AGAP1: variants seen among roughly 807,000 people sequenced by gnomAD.
AGAP1 encodes ArfGAP with GTPase domain, ankyrin repeat and PH domain 1, also known as arf-GAP with GTPase, ANK repeat and PH domain-containing protein 1.
AGAP1 carries 29 observed loss-of-function variants against 105.3 expected under a neutral mutation model. That is an observed-to-expected ratio of 0.28 (90% CI 0.21 to 0.38). The LOEUF is 0.38. Among genes scored for constraint, AGAP1 ranks in the 10% least tolerant of loss-of-function variants. The probability of loss-of-function intolerance (pLI) is 1.00; values close to 1 mark genes in which losing one functional copy is unlikely to be tolerated. For missense variants in AGAP1, 998 were observed against 1,165.1 expected (o/e 0.86, Z 2.09); for synonymous variants, 509 against 485.9 (o/e 1.05, Z -0.63).
chr2:236,044,778 C>A lies in AGAP1; in HGVS notation c.1891+3937C>A, dbSNP rs549304774. Among the ~76,000 whole-genome samples the A allele has an allele frequency of 2.6e-5, 4 of 152,214 alleles. No homozygotes were observed. The highest frequency in any genetic ancestry group is 5.9e-5 in the Non-Finnish European group (4 of 68,006). ...CTCCAGGTTTGAAATCACACACACA[C>A]ACACACACACATCCCTACTCCCTGC... On this transcript the variant is annotated intron_variant, in intron 15 of 17. Transcript: ENST00000304032. This position sits in a 1 kb window ranked among gnomAD's most constrained non-coding sequence, Gnocchi z 5.7.
chr2:235,949,623 G>T (rs566607404), intron 12 of AGAP1, among the ~76,000 whole-genome samples: 1 of 152,290 alleles, frequency 6.6e-6, no homozygotes, highest in African/African-American at 2.4e-5. Flanking sequence ...GTGCTCTTTT[G>T]TGCCTCTTTT....
chr2:235,782,639 G>T (rs954608479), intron 6 of AGAP1, among the ~76,000 whole-genome samples: 1 of 152,110 alleles, frequency 6.6e-6, no homozygotes, highest in African/African-American at 2.4e-5. Context: ...AAGCTTATGT[G>T]TAAACATTTA....
intron 1 of AGAP1, among the ~76,000 whole-genome samples, chr2:235,542,909 A>AGG (rs1191214923): frequency 2.0e-5 from 3 of 152,116 alleles, no homozygotes; most frequent in Non-Finnish European, 4.4e-5. Context: ...GCACCACCCA[A>AGG]GGGGAGGGGT....
chr2:235,909,132 G>A (rs1559634812), intron 11 of AGAP1, among the ~76,000 whole-genome samples: 1 of 152,158 alleles, frequency 6.6e-6, no homozygotes, highest in Non-Finnish European at 1.5e-5. Flanking sequence ...CAAAAACCAT[G>A]CATCTAGGCC....
chr2:235,899,445 G>A (rs1012533141), intron 10 of AGAP1, among the ~76,000 whole-genome samples: 42 of 152,160 alleles, frequency 2.8e-4, no homozygotes, highest in African/African-American at 9.4e-4. Context: ...CCCAGGAGGC[G>A]GAGGTTGCAG....
rs1575165060 is a variant in AGAP1 at position 235,700,800 on chromosome 2, T to C, written c.164-8379T>C. The stretch of plus-strand genomic sequence containing the variant: ...GGGCGACAAAGCGAGAATCTGTCTC[T>C]GTCTCTCTCTCTCTCTCTCTGTGTA... On this transcript the variant is annotated intron_variant, in intron 1 of 17. Coordinates refer to ENST00000304032, the MANE Select transcript of AGAP1 (RefSeq NM_001037131.3). The surrounding 1 kb of genome is among the most constrained non-coding windows in gnomAD (Gnocchi z 6.1). Among the ~76,000 whole-genome samples, 2 of 151,000 alleles carry C rather than the reference T, an allele frequency of 1.3e-5. No individual in the cohort carries two copies. The highest frequency in any genetic ancestry group is 2.9e-5 in the Non-Finnish European group (2 of 67,844).
chr2:236,058,813 A>T lies in AGAP1; in HGVS notation c.2114+9532A>T, dbSNP rs753941671. 2.0e-5 allele frequency among the ~76,000 whole-genome samples: 3 copies of T among 152,218 alleles called. No homozygotes were observed. The highest frequency in any genetic ancestry group is 4.8e-5 in the African/African-American group (2 of 41,458). On this transcript the variant is annotated intron_variant, in intron 16 of 17. Coordinates refer to ENST00000304032, the MANE Select transcript of AGAP1 (RefSeq NM_001037131.3). This position sits in a 1 kb window ranked among gnomAD's most constrained non-coding sequence, Gnocchi z 4.6. Reference sequence around the variant, plus strand: ...AGATGACATAATCTTTTATGTGGAAAATCCTAAGGAACCCATAAGAAACAT... The same window carrying T: ...AGATGACATAATCTTTTATGTGGAATATCCTAAGGAACCCATAAGAAACAT...
chr2:235,573,964 C>T (rs1032061477), intron 1 of AGAP1, among the ~76,000 whole-genome samples: 1 of 152,242 alleles, frequency 6.6e-6, no homozygotes, highest in African/African-American at 2.4e-5. Flanking sequence ...CCCCTGCTGT[C>T]GCACAACCTT....
At chr2:235,791,081 T>C (rs1956947448) in intron 6 of AGAP1, among the ~76,000 whole-genome samples, 1 of 152,234 alleles carries the variant, frequency 6.6e-6, no homozygotes, top group Admixed American at 6.5e-5. Context: ...ACAGATCATA[T>C]GAAAACACAT....
rs559078426 is a variant in AGAP1, at chr2:235,727,566, A to G, written c.310+9922A>G. ...GCAAGTTTTTGCTTCTTAATCTCCA[A>G]TGCTGAAAGCTTAGTCTTTGGAATG... On this transcript the variant is annotated intron_variant, in intron 3 of 17. Coordinates refer to ENST00000304032, the MANE Select transcript of AGAP1 (RefSeq NM_001037131.3). 4.6e-5 allele frequency among the ~76,000 whole-genome samples: 7 copies of G among 152,272 alleles called. No individual in the cohort carries two copies. The South Asian group carries it at 1.5e-3, about 32-fold the overall frequency.
intron 9 of AGAP1, among the ~76,000 whole-genome samples, chr2:235,826,208 T>C (rs1959053852): frequency 1.3e-5 from 2 of 152,196 alleles, no homozygotes; most frequent in East Asian, 3.9e-4. Flanking sequence ...TTATCCCTCA[T>C]AGATTCCTTT....
chr2:235,879,622 C>T lies in AGAP1; in HGVS notation c.1051-3723C>T, dbSNP rs950825033. On this transcript the variant is annotated intron_variant, in intron 9 of 17. Coordinates refer to ENST00000304032, the MANE Select transcript of AGAP1 (RefSeq NM_001037131.3). The surrounding 1 kb of genome is among the most constrained non-coding windows in gnomAD (Gnocchi z 5.0). ...GGCACAGTGGCTCACTCCCTGTCAT[C>T]CAGCACTTTCTAAAGACCTAAGCGA... 1.3e-5 allele frequency among the ~76,000 whole-genome samples: 2 copies of T among 152,084 alleles called. No homozygotes were observed. Among genetic ancestry groups the T allele is most frequent in the Non-Finnish European group, 2.9e-5 (2 of 67,998 alleles).
rs561112710 is a variant in AGAP1 at position 235,729,440 on chromosome 2, T to C, written c.311-11523T>C. ...GGTTCCTGGAAGAACCACTGGGCCT[T>C]GCAGGGTCAGCTCAGCCTGAGAGCC... On this transcript the variant is annotated intron_variant, in intron 3 of 17. Coordinates refer to ENST00000304032, the MANE Select transcript of AGAP1 (RefSeq NM_001037131.3). This position sits in a 1 kb window ranked among gnomAD's most constrained non-coding sequence, Gnocchi z 5.0. 6.6e-6 allele frequency among the ~76,000 whole-genome samples: 1 copy of C among 152,212 alleles called. No homozygotes were observed. Among genetic ancestry groups the C allele is most frequent in the East Asian group, 1.9e-4 (1 of 5,166 alleles).
chr2:235,849,922 A>C (rs1961988368), intron 9 of AGAP1, among the ~76,000 whole-genome samples: 1 of 151,408 alleles, frequency 6.6e-6, no homozygotes. Context: ...TCTCACCACG[A>C]CTCTTTCTTG....
Position 235,507,790 on chromosome 2 carries a change from A to G in AGAP1, c.163+12941A>G, listed in dbSNP as rs543541845. 5.9e-5 allele frequency among the ~76,000 whole-genome samples: 9 copies of G among 152,170 alleles called. No individual in the cohort carries two copies. In the East Asian group the frequency reaches 1.4e-3, roughly 23 times the overall value. On this transcript the variant is annotated intron_variant, in intron 1 of 17. Transcript: ENST00000304032. ...CGGGACCCGTGGACACCAGCCACCT[A>G]TGGGCCTTTATTTTTATATTTTTAA...
rs1051408112 is a variant in AGAP1 at position 235,981,817 on chromosome 2, G to A, written c.1645+13194G>A. Among the ~76,000 whole-genome samples the A allele has an allele frequency of 3.3e-5, 5 of 152,182 alleles. No homozygotes were observed. Among genetic ancestry groups the A allele is most frequent in the Non-Finnish European group, 5.9e-5 (4 of 68,020 alleles). The stretch of plus-strand genomic sequence containing the variant: ...CAGCGATAGGGCCACCGATCCAGGC[G>A]AGGGCAGCAGTGCTCGCCGCCTCTA... On this transcript the variant is annotated intron_variant, in intron 13 of 17. Transcript: ENST00000304032. The surrounding 1 kb of genome is among the most constrained non-coding windows in gnomAD (Gnocchi z 5.5).
At chr2:235,711,884 G>C (rs1420701044) in intron 2 of AGAP1, among the ~76,000 whole-genome samples, 1 of 152,214 alleles carries the variant, frequency 6.6e-6, no homozygotes, top group Non-Finnish European at 1.5e-5. Context: ...AAACGCAGCA[G>C]TGACATGATG....
In AGAP1 at chr2:235,615,301, C is replaced by T. The variant is rs1454665195; in HGVS notation, c.164-93878C>T. 6.6e-6 allele frequency among the ~76,000 whole-genome samples: 1 copy of T among 152,198 alleles called. No individual in the cohort carries two copies. Among genetic ancestry groups the T allele is most frequent in the African/African-American group, 2.4e-5 (1 of 41,440 alleles). On this transcript the variant is annotated intron_variant, in intron 1 of 17. Transcript: ENST00000304032. The surrounding 1 kb of genome is among the most constrained non-coding windows in gnomAD (Gnocchi z 5.0). The stretch of plus-strand genomic sequence containing the variant: ...AAGGGCATGTGACTACAGCATCCAT[C>T]CTCCCTGCTCTGCCTCGCACTGCCT...
intron 1 of AGAP1, among the ~76,000 whole-genome samples, chr2:235,520,309 A>C (rs1942566567): frequency 6.6e-6 from 1 of 152,226 alleles, no homozygotes; most frequent in Admixed American, 6.5e-5. Flanking sequence ...AATCAGGATC[A>C]AATACTGTGT....
Sources: allele counts gnomAD v4.1 joint callset (sites outside exome capture counted in the v4.1 genomes callset), GRCh38; gene constraint gnomAD v4.1.1; non-coding constraint Gnocchi (gnomAD v3.1); transcripts MANE v1.5; gene names NCBI Gene and HGNC (gene_info 2026-07-23, HGNC 2026-07-21).